Variants in NUP155 observed in about 807,000 individuals in gnomAD.
NUP155 encodes nuclear pore complex protein Nup155.
NUP155 carries 71 observed loss-of-function variants against 180.4 expected under a neutral mutation model. The observed-to-expected ratio is 0.39, with a 90% confidence interval of 0.33 to 0.48. NUP155 has a LOEUF of 0.48. NUP155 is among the 20% of genes least tolerant of loss of function. NUP155 has a pLI of 0.91. For missense variants in NUP155, 1,553 were observed against 1,648.9 expected (o/e 0.94, Z 1.01); for synonymous variants, 582 against 559.5 (o/e 1.04, Z -0.57).
At chr5:37,352,563 A>G (rs2111608184) in intron 5 of NUP155, among the ~76,000 whole-genome samples, 174 bp downstream of exon 5, 1 of 152,204 alleles carries the variant, frequency 6.6e-6, no homozygotes, top group South Asian at 2.1e-4. Flanking sequence ...AACAAAACAA[A>G]ACAAAAAACT....
intron 32 of NUP155, among the ~76,000 whole-genome samples, chr5:37,296,008 G>GC (rs1742536629): frequency 6.9e-6 from 1 of 144,108 alleles, no homozygotes; most frequent in Non-Finnish European, 1.5e-5. Flanking sequence ...GAGGAGGGGG[G>GC]GGTCAGCCCC....
chr5:37,294,565 T>C, intron 32 of NUP155, 100 bp from the exon 33 acceptor site: 1 of 1,215,892 alleles, frequency 8.2e-7, no homozygotes, highest in African/African-American at 1.5e-5. Flanking sequence ...GGATATCTTC[T>C]GAAATCCAAT....
intron 12 of NUP155, 144 bp from the exon 13 acceptor site, chr5:37,333,777 A>G: frequency 4.3e-6 from 3 of 693,732 alleles, no homozygotes; most frequent in South Asian, 1.9e-5. Context: ...ATTTTCTACT[A>G]TCTTTTTTTT....
At chr5:37,297,626 C>T (rs146120593) in intron 32 of NUP155, among the ~76,000 whole-genome samples, 2 of 152,010 alleles carry the variant, frequency 1.3e-5, no homozygotes, top group South Asian at 2.1e-4. Context: ...GCGATCCATC[C>T]GCCTCGGCCT....
intron 3 of NUP155, among the ~76,000 whole-genome samples, chr5:37,359,342 A>G (rs892057869): frequency 6.6e-6 from 1 of 152,028 alleles, no homozygotes; most frequent in Non-Finnish European, 1.5e-5. Context: ...CATTCCAAAC[A>G]TCTCCACAAC....
At chr5:37,317,306 A>C (rs999776918) in intron 21 of NUP155, among the ~76,000 whole-genome samples, 9 of 152,104 alleles carry the variant, frequency 5.9e-5, no homozygotes, top group Non-Finnish European at 1.0e-4. Context: ...CCTGACCAAC[A>C]TAAAGAACCC....
intron 32 of NUP155, 112 bp from the exon 33 acceptor site, chr5:37,294,577 G>A: frequency 9.0e-7 from 1 of 1,111,670 alleles, no homozygotes; most frequent in Non-Finnish European, 1.3e-6. Context: ...AAATCCAATT[G>A]CAATTTTTTG....
intron 28 of NUP155, 102 bp downstream of exon 28, chr5:37,303,158 G>A: frequency 7.4e-7 from 1 of 1,355,482 alleles, no homozygotes; most frequent in Non-Finnish European, 1.0e-6. Flanking sequence ...ATTTAGGTCA[G>A]TATATTAAAA....
intron 25 of NUP155, among the ~76,000 whole-genome samples, chr5:37,305,507 C>T (rs565896380): frequency 2.6e-5 from 4 of 152,090 alleles, no homozygotes; most frequent in Non-Finnish European, 4.4e-5. Flanking sequence ...CCTGGTGAAA[C>T]CCCGTATCTG....
Position 37,291,856 on chromosome 5 carries a change from T to C in NUP155, c.*44A>G. 6 of 1,593,876 alleles carry C rather than the reference T, an allele frequency of 3.8e-6. No individual in the cohort carries two copies. Among genetic ancestry groups the C allele is most frequent in the Non-Finnish European group, 5.2e-6 (6 of 1,162,058 alleles). On this transcript the variant is annotated 3_prime_UTR_variant, in exon 35 of 35. Transcript: ENST00000231498. Reference sequence around the variant, plus strand: ...CCTGATATCTGGACCCAGCTGAGTTTTTATTTTACAGATCATAAAACGGAT... The same window carrying C: ...CCTGATATCTGGACCCAGCTGAGTTCTTATTTTACAGATCATAAAACGGAT...
intron 20 of NUP155, among the ~76,000 whole-genome samples, chr5:37,321,864 T>A (rs919284393): frequency 6.6e-6 from 1 of 151,496 alleles, no homozygotes; most frequent in Non-Finnish European, 1.5e-5. Flanking sequence ...ATTTATGATA[T>A]TTTTTTTTGA....
intron 31 of NUP155, 26 bp from the exon 32 acceptor site, chr5:37,299,004 A>C: frequency 7.7e-7 from 1 of 1,293,728 alleles, no homozygotes; most frequent in Non-Finnish European, 1.1e-6. Context: ...ATGTCATTTG[A>C]AACCCAAATT....
At chr5:37,315,261 G>T (rs915625824) in intron 21 of NUP155, among the ~76,000 whole-genome samples, 1 of 152,018 alleles carries the variant, frequency 6.6e-6, no homozygotes, top group Non-Finnish European at 1.5e-5. Flanking sequence ...GTTCTATCAC[G>T]GCCAGAAAAA....
At position 37,365,738 on chromosome 5, in the gene NUP155, A is replaced by AAAATATATAT. The variant is rs1561818758; in HGVS notation, c.158-1355_158-1354insATATATATTT. ...GAAAAAAAAAAAAAAAAAAAAAAAA[A>AAAATATATAT]ATATATATATATATACACACACACA... On this transcript the variant is annotated intron_variant, in intron 1 of 34. Coordinates refer to ENST00000231498, the MANE Select transcript of NUP155 (RefSeq NM_153485.3). 4.8e-4 allele frequency among the ~76,000 whole-genome samples: 18 copies of AAAATATATAT among 37,136 alleles called. 1 individual carries two copies. The South Asian group carries it at 7.9e-3, about 16-fold the overall frequency. The allele number at this position is 37,136 out of a possible 152,430, so 24.4% of individuals were successfully genotyped here.
At chr5:37,348,757 T>C (rs1188320945) in intron 8 of NUP155, among the ~76,000 whole-genome samples, 161 bp from the exon 9 acceptor site, 1 of 151,902 alleles carries the variant, frequency 6.6e-6, no homozygotes, top group East Asian at 1.9e-4. Context: ...GAGAAGTGAG[T>C]TGGGCTTTTT....
At chr5:37,347,932 C>T (rs1373496740) in intron 9 of NUP155, among the ~76,000 whole-genome samples, 3 of 151,542 alleles carry the variant, frequency 2.0e-5, no homozygotes, top group East Asian at 3.9e-4. Context: ...GTCAAGAGAT[C>T]GAGACCATCC....
intron 12 of NUP155, among the ~76,000 whole-genome samples, chr5:37,336,816 C>G (rs1200407005): frequency 6.6e-6 from 1 of 152,128 alleles, no homozygotes; most frequent in African/African-American, 2.4e-5. Flanking sequence ...TACTCCCATC[C>G]CTGGGAGTTC....
intron 22 of NUP155, among the ~76,000 whole-genome samples, chr5:37,310,954 T>C (rs931922594): frequency 2.8e-4 from 42 of 152,128 alleles, no homozygotes; most frequent in Non-Finnish European, 5.6e-4. Flanking sequence ...AGTCCAAAAC[T>C]CTCACTTTCC....
chr5:37,350,433 C>T (rs1167487200), intron 6 of NUP155, among the ~76,000 whole-genome samples, 168 bp from the exon 7 acceptor site: 1 of 152,104 alleles, frequency 6.6e-6, no homozygotes, highest in East Asian at 1.9e-4. Context: ...AAATTAACTA[C>T]TGAGTTTAGC....
Sources: gnomAD v4.1 joint callset for allele counts (sites outside exome capture counted in the v4.1 genomes callset) on GRCh38, gnomAD v4.1.1 for gene constraint, MANE v1.5 for transcripts, NCBI Gene and HGNC (gene_info 2026-07-23, HGNC 2026-07-21) for gene names.